RSAD2: variants seen among roughly 807,000 people sequenced by gnomAD.
The protein encoded by RSAD2 is radical S-adenosyl methionine domain containing 2.
A neutral mutation model predicts 37.7 loss-of-function variants in RSAD2; 38 were observed. That is an observed-to-expected ratio of 1.01 (90% CI 0.78 to 1.32). The LOEUF (loss-of-function observed/expected upper bound fraction) is 1.32. RSAD2 is among the 40% of genes most tolerant of loss of function. The pLI is 0.00. For missense variants in RSAD2, 428 were observed against 437.5 expected (o/e 0.98, Z 0.19); for synonymous variants, 163 against 157.4 (o/e 1.04, Z -0.27).
chr2:6,883,691 C>A, intron 2 of RSAD2, 159 bp downstream of exon 2: 1 of 801,904 alleles, frequency 1.2e-6, no homozygotes, highest in South Asian at 1.9e-5. Context: ...AAGCTGTGCA[C>A]GGCATTATGG....
rs528455996 is a variant in RSAD2 at position 6,897,337 on chromosome 2, G to A, written c.*1395G>A. On this transcript the variant is annotated 3_prime_UTR_variant, in exon 6 of 6. Transcript: ENST00000382040. Reference sequence around the variant, plus strand: ...TCATTTTAATTTAGCTGCAATTTCAGTGTTCCTCACTAGGTGGCATTTAAA... The same window carrying A: ...TCATTTTAATTTAGCTGCAATTTCAATGTTCCTCACTAGGTGGCATTTAAA... The A allele has an allele frequency of 2.1e-3, 327 of 152,260 alleles. 4 individuals are homozygous for A. Among genetic ancestry groups the A allele is most frequent in the African/African-American group, 7.5e-3 (312 of 41,558 alleles). The allele number at this position is 152,260 out of a possible 1,614,324, so 9.4% of individuals were successfully genotyped here.
chr2:6,883,527 A>G lies in RSAD2; in HGVS notation c.503A>G (p.Asn168Ser), dbSNP rs1663457241. 1.2e-6 allele frequency: 2 copies of G among 1,614,074 alleles called. No homozygotes were observed. Among genetic ancestry groups the G allele is most frequent in the African/African-American group, 2.7e-5 (2 of 74,936 alleles). The change falls in exon 2 of 6, where the codon AAT becomes AGT. Residue 168 changes from asparagine (N) to serine (S), a missense_variant. Asn to Ser is a conservative substitution (Grantham distance 46, BLOSUM62 1). Coordinates refer to ENST00000382040, the MANE Select transcript of RSAD2 (RefSeq NM_080657.5). ...GSLIRERWFQNYGEYLDILAI... is the reference protein window; with the variant it reads ...GSLIRERWFQSYGEYLDILAI... ...CTGATCCGGGAGAGGTGGTTCCAGA[A>G]TTATGGTGTGCTCCATGGGATGGCA...
chr2:6,867,829 G>A lies in RSAD2; in HGVS notation c.142+1784G>A, dbSNP rs796730210. On this transcript the variant is annotated intron_variant, in intron 1 of 5. Transcript: ENST00000442639. ...TCCTCTCTATTTTTCACCTACCTTCGCCCTACGAAGAGATGTAAAGTTAAT... is the reference window on the plus strand; with the variant it reads ...TCCTCTCTATTTTTCACCTACCTTCACCCTACGAAGAGATGTAAAGTTAAT... Among the ~76,000 whole-genome samples the A allele has an allele frequency of 3.3e-5, 5 of 152,054 alleles. No homozygotes were observed. In the East Asian group the frequency reaches 7.7e-4, roughly 23 times the overall value.
At position 6,866,100 on chromosome 2, in the gene RSAD2, C is replaced by T. The variant is rs116006016; in HGVS notation, c.142+55C>T. 1,793 of 242,518 alleles carry T rather than the reference C, an allele frequency of 7.4e-3. 28 individuals are homozygous for T. The highest frequency in any genetic ancestry group is 0.04 in the African/African-American group (1,701 of 42,876). The allele number at this position is 242,518 out of a possible 1,614,324, so 15.0% of individuals were successfully genotyped here. On this transcript the variant is annotated intron_variant, in intron 1 of 5. Transcript: ENST00000442639. ...GGCGGCCCCGACCCTGGTTTGAGTT[C>T]CTCCTCTGCGGCTTATGCCGGGTGC...
At chr2:6,889,568 T>G (rs904795857) in intron 3 of RSAD2, among the ~76,000 whole-genome samples, 12 of 152,222 alleles carry the variant, frequency 7.9e-5, no homozygotes, top group Non-Finnish European at 1.6e-4. Context: ...GCTGTCACCC[T>G]TTGTCACCTT....
At chr2:6,882,561 A>G (rs1162323704) in intron 1 of RSAD2, among the ~76,000 whole-genome samples, 1 of 152,192 alleles carries the variant, frequency 6.6e-6, no homozygotes, top group Non-Finnish European at 1.5e-5. Flanking sequence ...AGAAAGATGA[A>G]AAAGTAAAAA....
Position 6,895,912 on chromosome 2 carries a change from GAGTA to G in RSAD2, c.1059_1062del (p.Ser353ArgfsTer4), listed in dbSNP as rs771668181. The G allele has an allele frequency of 6.2e-7, 1 of 1,614,094 alleles. No homozygotes were observed. The highest frequency in any genetic ancestry group is 8.5e-7 in the Non-Finnish European group (1 of 1,179,972). ...TGAAGCGAGGAGGAAAATACATATG[GAGTA>G]AGGCTGATCTGAAGCTGGATTGGTA... On this transcript the variant is annotated frameshift_variant, in exon 6 of 6. Coordinates refer to ENST00000382040, the MANE Select transcript of RSAD2 (RefSeq NM_080657.5). LOFTEE classifies it high-confidence loss of function.
intron 1 of RSAD2, chr2:6,878,966 G>A (rs1315706611): frequency 1.7e-6 from 1 of 590,490 alleles, no homozygotes; most frequent in Non-Finnish European, 2.9e-6. Context: ...ATCACAGCCA[G>A]GTAAATAGCC....
chr2:6,875,570 T>C (rs909989495), upstream of RSAD2, among the ~76,000 whole-genome samples: 2 of 152,192 alleles, frequency 1.3e-5, no homozygotes, highest in African/African-American at 4.8e-5. Flanking sequence ...GGCAGTTGTT[T>C]TTCCTTTGGG....
chr2:6,894,476 CT>C (rs1019900254), intron 5 of RSAD2, among the ~76,000 whole-genome samples: 1 of 151,286 alleles, frequency 6.6e-6, no homozygotes, highest in Non-Finnish European at 1.5e-5. Context: ...TCTTTCTTTT[CT>C]TTTTTTTTCT....
Position 6,895,888 on chromosome 2 carries a change from G to C in RSAD2, c.1032G>C (p.Leu344=). 1 of 1,614,194 alleles carries C rather than the reference G, an allele frequency of 6.2e-7. No homozygotes were observed. Among genetic ancestry groups the C allele is most frequent in the Non-Finnish European group, 8.5e-7 (1 of 1,180,026 alleles). Residue 344 remains leucine (L), a synonymous_variant, in exon 6 of 6, where the codon CTG becomes CTC. Coordinates refer to ENST00000382040, the MANE Select transcript of RSAD2 (RefSeq NM_080657.5). ...KFSGFDEKMF[L]KRGGKYIWSK... Reference sequence around the variant, plus strand: ...GTGGATTTGATGAAAAGATGTTTCTGAAGCGAGGAGGAAAATACATATGGA... The same window carrying C: ...GTGGATTTGATGAAAAGATGTTTCTCAAGCGAGGAGGAAAATACATATGGA...
chr2:6,891,486 G>A (rs1317601068), intron 4 of RSAD2, among the ~76,000 whole-genome samples: 1 of 152,146 alleles, frequency 6.6e-6, no homozygotes, highest in African/African-American at 2.4e-5. Context: ...GAATAATACC[G>A]GCCGGGCGCG....
chr2:6,876,082 G>C (rs1203790359), upstream of RSAD2, among the ~76,000 whole-genome samples: 2 of 152,204 alleles, frequency 1.3e-5, no homozygotes, highest in African/African-American at 4.8e-5. Context: ...TGTTTGTGCT[G>C]TTGCTGCCAC....
chr2:6,870,439 A>G (rs1663183245), intron 1 of RSAD2, among the ~76,000 whole-genome samples: 1 of 152,216 alleles, frequency 6.6e-6, no homozygotes. Flanking sequence ...CTTTGGGACC[A>G]TGAGGTGGGG....
At chr2:6,882,267 G>T (rs1355631723) in intron 1 of RSAD2, among the ~76,000 whole-genome samples, 1 of 151,984 alleles carries the variant, frequency 6.6e-6, no homozygotes, top group African/African-American at 2.4e-5. Context: ...GTAGGAAGAA[G>T]AAAACGTCCA....
At position 6,880,939 on chromosome 2, in the gene RSAD2, A is replaced by T. The variant is rs189519121; in HGVS notation, c.347-2432A>T. ...TTTGAAATTCTATTCAGAAAGACTG[A>T]ATAGAATTAAAAATAATGAGCATCA... On this transcript the variant is annotated intron_variant, in intron 1 of 5. Transcript: ENST00000382040. 2.0e-3 allele frequency among the ~76,000 whole-genome samples: 303 copies of T among 152,218 alleles called. 3 individuals are homozygous for T. Among genetic ancestry groups the T allele is most frequent in the Non-Finnish European group, 3.4e-3 (229 of 68,006 alleles).
chr2:6,873,248 C>G (rs950972500), upstream of RSAD2, among the ~76,000 whole-genome samples: 2 of 152,140 alleles, frequency 1.3e-5, no homozygotes, highest in Admixed American at 6.5e-5. Context: ...CTGAATTGTT[C>G]CATGTAACCA....
chr2:6,876,967 A>C (rs1175883896), upstream of RSAD2: 2 of 152,198 alleles, frequency 1.3e-5, no homozygotes, highest in Admixed American at 1.3e-4. Context: ...GGTGTCACGA[A>C]AGCACAAGAC....
intron 3 of RSAD2, among the ~76,000 whole-genome samples, chr2:6,888,529 C>G (rs1663567505): frequency 6.6e-6 from 1 of 152,212 alleles, no homozygotes; most frequent in South Asian, 2.1e-4. Flanking sequence ...CTCGTCTTCC[C>G]TATGTTTCCT....
Sources: gnomAD v4.1 joint callset for allele counts (sites outside exome capture counted in the v4.1 genomes callset) on GRCh38, gnomAD v4.1.1 for gene constraint, MANE v1.5 for transcripts, NCBI Gene and HGNC (gene_info 2026-07-23, HGNC 2026-07-21) for gene names.